The following RCAN1 variants were observed in gnomAD, a reference collection of about 807,000 sequenced individuals.
The protein encoded by RCAN1 is calcipressin-1.
A neutral mutation model predicts 22.9 loss-of-function variants in RCAN1; 11 were observed. The ratio of observed to expected loss-of-function variants is 0.48; its 90% CI spans 0.30 to 0.79. The LOEUF (loss-of-function observed/expected upper bound fraction) is 0.79, where lower values mean the gene tolerates loss of function less well. RCAN1 is among the 30% of genes least tolerant of loss of function. RCAN1 has a pLI of 0.06. For synonymous variants in RCAN1, 136 were observed against 142.3 expected, an observed-to-expected ratio of 0.96 and a Z score of 0.32; for missense variants, 291 against 337.8, an observed-to-expected ratio of 0.86 and a Z score of 1.09.
intron 1 of RCAN1, among the ~76,000 whole-genome samples, chr21:34,593,838 C>T (rs1988054322): frequency 6.6e-6 from 1 of 152,214 alleles, no homozygotes; most frequent in South Asian, 2.1e-4. Flanking sequence ...AGAGCAGGTG[C>T]TCAGTCTAAA....
At chr21:34,558,102 C>T (rs1986649010) in intron 1 of RCAN1, among the ~76,000 whole-genome samples, 1 of 152,180 alleles carries the variant, frequency 6.6e-6, no homozygotes, top group African/African-American at 2.4e-5. Flanking sequence ...GGTGCTTGTG[C>T]GTTACTGATA....
At chr21:34,551,169 G>A (rs2284584) in intron 1 of RCAN1, among the ~76,000 whole-genome samples, 36,564 of 151,942 alleles carry the variant, frequency 0.24, 5,078 homozygotes, top group African/African-American at 0.39. Context: ...CACCCGTGAC[G>A]CTAAGGGAAA....
At chr21:34,535,227 G>A (rs1985614670) in intron 1 of RCAN1, among the ~76,000 whole-genome samples, 1 of 152,156 alleles carries the variant, frequency 6.6e-6, no homozygotes, top group South Asian at 2.1e-4. Flanking sequence ...ATAAGCAAGT[G>A]TAAGAAAGAG....
intron 1 of RCAN1, among the ~76,000 whole-genome samples, chr21:34,563,766 AAAAAATAT>A (rs1458068728): frequency 9.6e-5 from 9 of 93,444 alleles, no homozygotes; most frequent in East Asian, 8.5e-4. Flanking sequence ...AAAAAAAAAA[AAAAAATAT>A]ATATATATAT....
intron 1 of RCAN1, among the ~76,000 whole-genome samples, chr21:34,533,409 T>C (rs557589143): frequency 6.6e-6 from 1 of 152,314 alleles, no homozygotes; most frequent in Non-Finnish European, 1.5e-5. Context: ...AAAGCAATTA[T>C]GATTTTATTT....
chr21:34,596,007 C>T (rs1988139111), intron 1 of RCAN1, among the ~76,000 whole-genome samples: 1 of 152,234 alleles, frequency 6.6e-6, no homozygotes, highest in Non-Finnish European at 1.5e-5. Flanking sequence ...GTCACCTGCC[C>T]TTGAAGCAGG....
rs1045058077 is a variant in RCAN1, at chr21:34,583,218, G to A, written c.252+31542C>T. ...TTTTTGAGACAGTTTCACTCTTGTC[G>A]CCCAGGCTAGAGTGCAGTGGTGCAA... On this transcript the variant is annotated intron_variant, in intron 1 of 3. Coordinates refer to ENST00000313806, the MANE Select transcript of RCAN1 (RefSeq NM_004414.7). Among the ~76,000 whole-genome samples the A allele has an allele frequency of 3.0e-5, 4 of 134,936 alleles. No homozygotes were observed. The East Asian group carries it at 7.1e-4, about 24-fold the overall frequency. 88.5% of individuals were successfully genotyped at this position (134,936 alleles called of 152,430 possible). A position where few individuals can be genotyped will look rare whatever the true frequency, so the allele number is the denominator to read the frequency against.
At position 34,521,429 on chromosome 21, in the gene RCAN1, T is replaced by C. The variant is rs1460224360; in HGVS notation, c.586+70A>G. The C allele has an allele frequency of 3.7e-6, 6 of 1,609,388 alleles. No individual in the cohort carries two copies. The African/African-American group carries it at 6.7e-5, about 18-fold the overall frequency. ...AGGAGAGCTACGGGGGTAGTGGTGGTACTGCTCCCTGGTGCAGGGCAGCAG... is the reference window on the plus strand; with the variant it reads ...AGGAGAGCTACGGGGGTAGTGGTGGCACTGCTCCCTGGTGCAGGGCAGCAG... On this transcript the variant is annotated intron_variant, in intron 3 of 3. Transcript: ENST00000313806.
intron 1 of RCAN1, among the ~76,000 whole-genome samples, chr21:34,596,875 G>A (rs566527035): frequency 4.6e-5 from 7 of 152,298 alleles, no homozygotes; most frequent in South Asian, 4.1e-4. Flanking sequence ...AGGTGTCTGC[G>A]AGGCTCGGGC....
At chr21:34,609,777 G>T (rs926024580) in intron 1 of RCAN1, among the ~76,000 whole-genome samples, 1 of 152,146 alleles carries the variant, frequency 6.6e-6, no homozygotes, top group African/African-American at 2.4e-5. Flanking sequence ...CAGTTGTTAG[G>T]GGGTGGAGTG....
intron 1 of RCAN1, chr21:34,559,290 C>T (rs1986703256): frequency 6.6e-6 from 1 of 152,204 alleles, no homozygotes; most frequent in Admixed American, 6.5e-5. Context: ...AGGAGTCTTT[C>T]TGTAAGAAGA....
intron 1 of RCAN1, among the ~76,000 whole-genome samples, chr21:34,571,795 G>A (rs538716886): frequency 2.0e-5 from 3 of 152,228 alleles, no homozygotes; most frequent in South Asian, 2.1e-4. Flanking sequence ...CAACCCTCTC[G>A]CCTCGGCCTC....
intron 1 of RCAN1, among the ~76,000 whole-genome samples, chr21:34,581,766 A>T (rs1005571593): frequency 3.9e-5 from 6 of 152,238 alleles, no homozygotes; most frequent in Non-Finnish European, 8.8e-5. Flanking sequence ...TCTTTGAAAA[A>T]AAGGCAGCCC....
chr21:34,592,383 TG>T (rs1988003527), intron 1 of RCAN1, among the ~76,000 whole-genome samples: 1 of 152,180 alleles, frequency 6.6e-6, no homozygotes, highest in South Asian at 2.1e-4. Context: ...TCTGACTGAC[TG>T]GGCTAAAAAA....
intron 1 of RCAN1, among the ~76,000 whole-genome samples, chr21:34,612,553 T>C (rs1281868179): frequency 3.3e-5 from 5 of 152,228 alleles, no homozygotes; most frequent in Admixed American, 2.0e-4. Context: ...AGCCATTATC[T>C]ACCCTTCTGT....
At chr21:34,556,065 AAAATAAAT>A (rs71324312) in intron 1 of RCAN1, among the ~76,000 whole-genome samples, 3 of 108,152 alleles carry the variant, frequency 2.8e-5, no homozygotes, top group East Asian at 2.3e-4. Flanking sequence ...TCCATTTCAA[AAAATAAAT>A]AAATAAATAA....
At chr21:34,527,728 A>G (rs895261222) in intron 1 of RCAN1, among the ~76,000 whole-genome samples, 11 of 152,208 alleles carry the variant, frequency 7.2e-5, no homozygotes, top group Non-Finnish European at 1.6e-4. Flanking sequence ...AATTTTTGCC[A>G]TCAGACCTTG....
intron 1 of RCAN1, among the ~76,000 whole-genome samples, chr21:34,543,405 A>T (rs9636877): frequency 0.24 from 36,289 of 152,070 alleles, 5,034 homozygotes; most frequent in African/African-American, 0.38. Flanking sequence ...AGCCAAGGAA[A>T]GTGGGAGTCT....
chr21:34,550,794 T>G (rs1314668413), intron 1 of RCAN1, among the ~76,000 whole-genome samples: 2 of 152,166 alleles, frequency 1.3e-5, no homozygotes, highest in East Asian at 3.8e-4. Context: ...GCTTTAATGT[T>G]CTCAAGGAAA....
Sources: allele counts gnomAD v4.1 joint callset (sites outside exome capture counted in the v4.1 genomes callset), GRCh38; gene constraint gnomAD v4.1.1; transcripts MANE v1.5; gene names NCBI Gene and HGNC (gene_info 2026-07-23, HGNC 2026-07-21).